CASD1: variants seen among roughly 807,000 people sequenced by gnomAD.
The protein encoded by CASD1 is CAS1 domain sialic acid O acetyltransferase 1, also known as N-acetylneuraminate (7)9-O-acetyltransferase.
CASD1 carries 41 observed loss-of-function variants against 100.0 expected under a neutral mutation model. That is an observed-to-expected ratio of 0.41 (90% CI 0.32 to 0.53). The LOEUF (loss-of-function observed/expected upper bound fraction) is 0.53. Ranked by LOEUF, CASD1 falls within the 20% of genes least tolerant of loss-of-function variation. The pLI, the probability that CASD1 is intolerant of heterozygous loss-of-function variation, is 0.25. For missense variants in CASD1, 774 were observed against 948.7 expected (o/e 0.82, Z 2.42); for synonymous variants, 321 against 315.6 (o/e 1.02, Z -0.18).
At chr7:94,582,594 T>G in the CASD1 span, among the ~76,000 whole-genome samples, 2 of 152,258 alleles carry the variant, frequency 1.3e-5, no homozygotes, top group South Asian at 2.1e-4. Flanking sequence ...TCTCCCATTC[T>G]GTAGGTTGTC....
chr7:94,588,054 A>C, the CASD1 span: 1 of 1,354,226 alleles, frequency 7.4e-7, no homozygotes, highest in Non-Finnish European at 9.4e-7. Context: ...ACCACTAATT[A>C]GAAGACAATC....
chr7:94,588,721 T>G, the CASD1 span: 23 of 1,612,120 alleles, frequency 1.4e-5, no homozygotes, highest in Non-Finnish European at 2.0e-5. Context: ...CTGAGTCTGA[T>G]GTGGCAAGTT....
chr7:94,523,348 G>A (rs1316136738), intron 3 of CASD1, among the ~76,000 whole-genome samples: 1 of 152,150 alleles, frequency 6.6e-6, no homozygotes, highest in East Asian at 1.9e-4. Context: ...CTGATAATAA[G>A]ATGTACATAC....
chr7:94,628,272 G>A, the CASD1 span: 4 of 1,611,232 alleles, frequency 2.5e-6, no homozygotes, highest in Admixed American at 6.7e-5. Context: ...ACTATATGGT[G>A]TCCTTTGGAT....
chr7:94,593,474 C>T, the CASD1 span, among the ~76,000 whole-genome samples: 100 of 152,022 alleles, frequency 6.6e-4, no homozygotes, highest in Admixed American at 3.5e-3. Context: ...CAAAAGACAG[C>T]ATACCTCACT....
At chr7:94,544,345 T>TTGTTA in intron 10 of CASD1, 66 bp from the exon 11 acceptor site, 9 of 1,564,706 alleles carry the variant, frequency 5.8e-6, no homozygotes, top group Non-Finnish European at 7.0e-6. Context: ...TTAAATGTAC[T>TTGTTA]TGTTATGATA....
the CASD1 span, among the ~76,000 whole-genome samples, chr7:94,630,787 C>A: frequency 1.3e-5 from 2 of 151,854 alleles, no homozygotes; most frequent in African/African-American, 4.8e-5. Flanking sequence ...CCAGTTCTTT[C>A]TTTTAAGTCA....
chr7:94,611,875 C>G, the CASD1 span, among the ~76,000 whole-genome samples: 611 of 152,096 alleles, frequency 4.0e-3, 3 homozygotes, highest in Admixed American at 9.1e-3. Context: ...ACCTATTGTA[C>G]CTTTGGGAAA....
chr7:94,554,308 G>C (rs758259174), intron 16 of CASD1, 175 bp from the exon 17 acceptor site: 41 of 491,022 alleles, frequency 8.3e-5, no homozygotes, highest in Non-Finnish European at 1.4e-4. Context: ...AATCCAGTTT[G>C]GGTAGACTTT....
chr7:94,560,839 A>G (rs1402715490), downstream of CASD1, among the ~76,000 whole-genome samples: 2 of 152,214 alleles, frequency 1.3e-5, no homozygotes, highest in Non-Finnish European at 1.5e-5. Context: ...GTTTAAAGAC[A>G]TGTAAAATAA....
rs753087488 is a variant in CASD1 at position 94,535,421 on chromosome 7, T to C, written c.741T>C (p.Ser247=). Residue 247 remains serine (S), a synonymous_variant, in exon 8 of 18, where the codon TCT becomes TCC. Transcript: ENST00000297273. ...VSILNSSTRN[S]KSNVKMFSVS... ...TTTTGAATAGTAGCACCAGAAATTCTAAATCAAATGTTAAGATGTTCAGTG... is the reference window on the plus strand; with the variant it reads ...TTTTGAATAGTAGCACCAGAAATTCCAAATCAAATGTTAAGATGTTCAGTG... The C allele has an allele frequency of 6.2e-7, 1 of 1,613,398 alleles. No homozygotes were observed. The highest frequency in any genetic ancestry group is 8.5e-7 in the Non-Finnish European group (1 of 1,179,496).
the CASD1 span, among the ~76,000 whole-genome samples, chr7:94,615,156 C>T: frequency 6.6e-6 from 1 of 152,030 alleles, no homozygotes. Flanking sequence ...GTCAGGAGTT[C>T]CAGACCAGCC....
chr7:94,587,267 CA>C, the CASD1 span: 4 of 986,510 alleles, frequency 4.1e-6, no homozygotes, highest in Non-Finnish European at 4.8e-6. Flanking sequence ...GACTACTAAA[CA>C]AATTGCCCTA....
rs752401636 is a variant in CASD1, at chr7:94,518,253, C to G, written c.281C>G (p.Ser94Cys). The change falls in exon 3 of 18, where the codon TCC becomes TGC. Residue 94 changes from serine (S) to cysteine (C), a missense_variant. Physicochemically the swap from Ser to Cys is moderately radical, Grantham distance 112 (BLOSUM62 -1). Transcript: ENST00000297273. ...AAACATATTGCATTTATTGGAGATT[C>G]CAGAATTCGTCAATTGTTTTATTCT... ...VDKHIAFIGDSRIRQLFYSFV... is the reference protein window; with the variant it reads ...VDKHIAFIGDCRIRQLFYSFV... The G allele has an allele frequency of 1.9e-6, 3 of 1,574,150 alleles. No individual in the cohort carries two copies. Among genetic ancestry groups the G allele is most frequent in the Non-Finnish European group, 2.6e-6 (3 of 1,163,546 alleles).
chr7:94,596,664 G>T, the CASD1 span, among the ~76,000 whole-genome samples: 4 of 152,034 alleles, frequency 2.6e-5, no homozygotes, highest in Non-Finnish European at 4.4e-5. Context: ...ATGCTGCCTT[G>T]TACTTATTAA....
the CASD1 span, chr7:94,628,745 A>G: frequency 5.7e-6 from 1 of 176,574 alleles, no homozygotes; most frequent in Admixed American, 5.9e-5. Context: ...TCATATGAGT[A>G]TGAAAGATAT....
intron 5 of CASD1, among the ~76,000 whole-genome samples, chr7:94,531,396 G>A (rs1267032966): frequency 1.3e-5 from 2 of 152,012 alleles, no homozygotes; most frequent in Non-Finnish European, 2.9e-5. Context: ...AATGAAGGAA[G>A]GAAGGCAAGA....
chr7:94,623,490 T>C, the CASD1 span: 2 of 832,346 alleles, frequency 2.4e-6, no homozygotes, highest in East Asian at 2.6e-5. Context: ...TTGTCATTCT[T>C]TCCATTTTCA....
At chr7:94,552,822 A>G (rs938368220) in intron 16 of CASD1, among the ~76,000 whole-genome samples, 1 of 152,154 alleles carries the variant, frequency 6.6e-6, no homozygotes, top group Non-Finnish European at 1.5e-5. Context: ...CTGTAATCCC[A>G]GCTACTTGGA....
Sources: gnomAD v4.1 joint callset for allele counts (sites outside exome capture counted in the v4.1 genomes callset) on GRCh38, gnomAD v4.1.1 for gene constraint, MANE v1.5 for transcripts, NCBI Gene and HGNC (gene_info 2026-07-23, HGNC 2026-07-21) for gene names.